Variants in EPS8L1 observed in about 807,000 individuals in gnomAD.
EPS8L1 encodes the protein epidermal growth factor receptor kinase substrate 8-like protein 1.
In EPS8L1, 101 loss-of-function variants were observed where a neutral mutation model predicts 91.7. The observed-to-expected ratio is 1.10, with a 90% CI of 0.94 to 1.30. EPS8L1 has a LOEUF of 1.30. EPS8L1 is among the 50% of genes most tolerant of loss of function. The pLI is 0.00. For synonymous variants in EPS8L1, 506 were observed against 445.3 expected (o/e 1.14, Z -1.72); for missense variants, 1,114 against 1,017.0 (o/e 1.10, Z -1.30).
Position 55,079,719 on chromosome 19 carries a change from C to CGAT in EPS8L1, c.149_151dup (p.Asp50dup). 6.2e-7 allele frequency: 1 copy of CGAT among 1,614,094 alleles called. No homozygotes were observed. ...TGGTGACGTTCTGCCTGGGTGAGGA[C>CGAT]GATGGCGTGCATACCGTGGAGGATG... is the stretch of plus-strand genomic sequence containing the variant. On this transcript the variant is annotated inframe_insertion, in exon 5 of 20. Coordinates refer to ENST00000201647, the MANE Select transcript of EPS8L1 (RefSeq NM_133180.3).
At chr19:55,082,859 A>AG (rs1310928719) in intron 12 of EPS8L1, among the ~76,000 whole-genome samples, 11 of 19,796 alleles carry the variant, frequency 5.6e-4, no homozygotes, top group Non-Finnish European at 1.1e-3. Context: ...AAAGGAATAG[A>AG]GGGGCTAGGG....
In EPS8L1 at chr19:55,079,682, C is replaced by A; in HGVS notation, c.118-8C>A. 6.2e-7 allele frequency: 1 copy of A among 1,612,290 alleles called. No individual in the cohort carries two copies. On this transcript the variant is annotated splice_polypyrimidine_tract_variant and splice_region_variant and intron_variant, in intron 4 of 19. Coordinates refer to ENST00000201647, the MANE Select transcript of EPS8L1 (RefSeq NM_133180.3). The stretch of plus-strand genomic sequence containing the variant: ...GGGCCTCACTGCTTTCTCCATGGTC[C>A]GTACCAGCACCTGGTGACGTTCTGC...
intron 1 of EPS8L1, 71 bp downstream of exon 1, chr19:55,075,990 G>C (rs1725866818): frequency 6.0e-6 from 1 of 166,490 alleles, no homozygotes; most frequent in African/African-American, 2.4e-5. Flanking sequence ...GGGGGGACTG[G>C]GGTCTGGACT....
chr19:55,082,391 G>C (rs1237059211), intron 11 of EPS8L1, 42 bp downstream of exon 11: 3 of 1,612,396 alleles, frequency 1.9e-6, no homozygotes, highest in African/African-American at 2.7e-5. Flanking sequence ...TGCAGCGGGA[G>C]GAATCGGGTT....
Position 55,087,633 on chromosome 19 carries a change from CAA to C in EPS8L1, c.*21_*22del, listed in dbSNP as rs777651815. On this transcript the variant is annotated 3_prime_UTR_variant, in exon 20 of 20. Transcript: ENST00000201647. ...CATTTGACCTGCCAGGCGCCCTTCGCAAAGAGTGACGAGGCCCCGTGGGAGAA... is the reference window on the plus strand; with the variant it reads ...CATTTGACCTGCCAGGCGCCCTTCGCAGAGTGACGAGGCCCCGTGGGAGAA... 44 of 1,613,226 alleles carry C rather than the reference CAA, an allele frequency of 2.7e-5. No individual in the cohort carries two copies. The highest frequency in any genetic ancestry group is 3.2e-5 in the Non-Finnish European group (38 of 1,179,522).
intron 2 of EPS8L1, among the ~76,000 whole-genome samples, chr19:55,076,758 G>A (rs1435250712): frequency 6.6e-6 from 1 of 152,224 alleles, no homozygotes; most frequent in East Asian, 1.9e-4. Flanking sequence ...CTGTGACACA[G>A]GGACAATGTT....
chr19:55,082,246 C>A (rs1211436070), intron 10 of EPS8L1, 29 bp from the exon 11 acceptor site: 3 of 1,605,028 alleles, frequency 1.9e-6, no homozygotes, highest in Non-Finnish European at 2.6e-6. Context: ...CCCGCACCCA[C>A]GCCAACCACC....
In EPS8L1 at chr19:55,080,580, C is replaced by CG. The variant is rs773348833; in HGVS notation, c.430-188dup. 1.9e-6 allele frequency: 3 copies of CG among 1,604,902 alleles called. No homozygotes were observed. In the African/African-American group the frequency reaches 4.0e-5, roughly 21 times the overall value. Reference sequence around the variant, plus strand: ...ACCACCCGGACTGGGTCTCCATGGGCGGGGTCGTGGCTTAGGGCAGGGACA... The same window carrying CG: ...ACCACCCGGACTGGGTCTCCATGGGCGGGGGTCGTGGCTTAGGGCAGGGACA... On this transcript the variant is annotated intron_variant, in intron 6 of 19. Coordinates refer to ENST00000201647, the MANE Select transcript of EPS8L1 (RefSeq NM_133180.3).
chr19:55,076,607 G>A (rs943751823), intron 2 of EPS8L1, 146 bp downstream of exon 2: 2 of 1,006,154 alleles, frequency 2.0e-6, no homozygotes, highest in African/African-American at 3.2e-5. Context: ...GGAAGCCAGA[G>A]CCTCTCTCCT....
At position 55,081,632 on chromosome 19, in the gene EPS8L1, C is replaced by T; in HGVS notation, c.774+140C>T. The T allele has an allele frequency of 3.1e-6, 4 of 1,290,214 alleles. No homozygotes were observed. Among genetic ancestry groups the T allele is most frequent in the Non-Finnish European group, 4.0e-6 (4 of 1,003,802 alleles). 79.9% of individuals were successfully genotyped at this position (1,290,214 alleles called of 1,614,324 possible). On this transcript the variant is annotated intron_variant, in intron 8 of 19. Coordinates refer to ENST00000201647, the MANE Select transcript of EPS8L1 (RefSeq NM_133180.3). The surrounding 1 kb of genome is among the most constrained non-coding windows in gnomAD (Gnocchi z 4.9). ...TATGGAAGAGGGGCTGGGTCGGGGG[C>T]GGGGCTTGGTTGTGGGGCGTGGCCA... is the stretch of plus-strand genomic sequence containing the variant.
intron 14 of EPS8L1, among the ~76,000 whole-genome samples, chr19:55,085,395 G>A (rs1442140635): frequency 6.6e-6 from 1 of 152,174 alleles, no homozygotes; most frequent in Non-Finnish European, 1.5e-5. Context: ...TTGATCTCTT[G>A]ACCTCATGAT....
Position 55,086,536 on chromosome 19 carries a change from C to T in EPS8L1, c.1777+18C>T. ...CGAGAAGGGTGAGTGGTGGGGACGCCGGCTGCGGGGAGCGGTCCTTATCCT... is the reference window on the plus strand; with the variant it reads ...CGAGAAGGGTGAGTGGTGGGGACGCTGGCTGCGGGGAGCGGTCCTTATCCT... On this transcript the variant is annotated intron_variant, in intron 17 of 19. Transcript: ENST00000201647. 1 of 1,550,236 alleles carries T rather than the reference C, an allele frequency of 6.5e-7. No homozygotes were observed. The highest frequency in any genetic ancestry group is 1.7e-4 in the Middle Eastern group (1 of 5,874).
At chr19:55,086,919 G>GGCCCGCCCTC (rs2076358961) in intron 18 of EPS8L1, 31 bp downstream of exon 18, 1 of 1,409,886 alleles carries the variant, frequency 7.1e-7, no homozygotes, top group Non-Finnish European at 9.2e-7. Context: ...CTCGGCGCGG[G>GGCCCGCCCTC]TTGATACGGA....
rs1272705133 is a variant in EPS8L1 at position 55,077,659 on chromosome 19, A to T, written c.18-429A>T. Among the ~76,000 whole-genome samples, 3 of 126,632 alleles carry T rather than the reference A, an allele frequency of 2.4e-5. No homozygotes were observed. The East Asian group carries it at 7.4e-4, about 31-fold the overall frequency. 83.1% of individuals were successfully genotyped at this position (126,632 alleles called of 152,430 possible). On this transcript the variant is annotated intron_variant, in intron 2 of 19. Coordinates refer to ENST00000201647, the MANE Select transcript of EPS8L1 (RefSeq NM_133180.3). ...GCTGGAGTGCAGTGGCACGATCTGG[A>T]CTCACTGCAACCTCCGCCTCCCAGG... is the stretch of plus-strand genomic sequence containing the variant.
chr19:55,081,436 C>T lies in EPS8L1; in HGVS notation c.718C>T (p.Pro240Ser), dbSNP rs757834274. ...CTCGAGCAACGCTGACTCGGCCTCC[C>T]CGGACCTGGGTCCCCGGGGTCCTGA... The part of the protein sequence containing the change: ...GTSSNADSAS[P>S]DLGPRGPDLA... Residue 240 changes from proline to serine, a missense_variant, in exon 8 of 20, where the codon CCG (proline) becomes TCG (serine). By Grantham distance (74) the Pro-to-Ser change is moderately conservative. Coordinates refer to ENST00000201647, the MANE Select transcript of EPS8L1 (RefSeq NM_133180.3). The surrounding 1 kb of genome is among the most constrained non-coding windows in gnomAD (Gnocchi z 4.9). 6.9e-6 allele frequency: 11 copies of T among 1,602,610 alleles called. No individual in the cohort carries two copies. In the South Asian group the frequency reaches 1.1e-4, roughly 16 times the overall value.
chr19:55,086,258 G>C, intron 16 of EPS8L1, 66 bp downstream of exon 16: 1 of 1,606,928 alleles, frequency 6.2e-7, no homozygotes, highest in Non-Finnish European at 8.5e-7. Context: ...GGGAACAAGG[G>C]GCGTGGGGAT....
chr19:55,080,742 G>A, intron 6 of EPS8L1, 30 bp from the exon 7 acceptor site: 1 of 1,603,998 alleles, frequency 6.2e-7, no homozygotes, highest in Non-Finnish European at 8.5e-7. Flanking sequence ...TGCGGCGTGG[G>A]GAGGCGTGGC....
intron 12 of EPS8L1, among the ~76,000 whole-genome samples, chr19:55,082,976 G>A (rs1343034394): frequency 6.6e-6 from 1 of 152,122 alleles, no homozygotes; most frequent in Non-Finnish European, 1.5e-5. Context: ...TGGCAGTTCC[G>A]CAGGGAAAGG....
chr19:55,082,758 C>T (rs1037300269), intron 12 of EPS8L1, among the ~76,000 whole-genome samples, 156 bp downstream of exon 12: 2 of 151,256 alleles, frequency 1.3e-5, no homozygotes, highest in African/African-American at 4.9e-5. Flanking sequence ...AGGACAGATG[C>T]CAAGATTCAA....
Sources: gnomAD v4.1 joint callset for allele counts (sites outside exome capture counted in the v4.1 genomes callset) on GRCh38, gnomAD v4.1.1 for gene constraint, Gnocchi (gnomAD v3.1) non-coding constraint, MANE v1.5 for transcripts, NCBI Gene and HGNC (gene_info 2026-07-23, HGNC 2026-07-21) for gene names.